The following CDH18 variants were observed in gnomAD, a reference collection of about 807,000 sequenced individuals.
CDH18 encodes cadherin-18.
Under a neutral mutation model 67.9 loss-of-function variants are expected in CDH18, and 31 were observed. The ratio of observed to expected loss-of-function variants is 0.46; its 90% CI spans 0.34 to 0.62. The LOEUF (loss-of-function observed/expected upper bound fraction) is 0.62, where lower values mean the gene tolerates loss of function less well. Ranked by LOEUF, CDH18 falls within the 20% of genes least tolerant of loss-of-function variation. The pLI, the probability that CDH18 is intolerant of heterozygous loss-of-function variation, is 0.01. For missense variants in CDH18, 890 were observed against 975.5 expected, an observed-to-expected ratio of 0.91 and a Z score of 1.17; for synonymous variants, 362 against 347.2, an observed-to-expected ratio of 1.04 and a Z score of -0.48.
At chr5:20,453,172 T>G (rs1443366046) in intron 1 of CDH18, among the ~76,000 whole-genome samples, 2 of 152,184 alleles carry the variant, frequency 1.3e-5, no homozygotes, top group Non-Finnish European at 2.9e-5. Flanking sequence ...GGAAGGCTGA[T>G]GTGGTAGAGA....
intron 2 of CDH18, among the ~76,000 whole-genome samples, chr5:20,245,577 A>C (rs540264403): frequency 1.3e-5 from 2 of 152,222 alleles, no homozygotes; most frequent in South Asian, 4.1e-4. Flanking sequence ...TTTTGAGAAC[A>C]ATCAAAGAGA....
intron 1 of CDH18, among the ~76,000 whole-genome samples, chr5:20,275,766 C>A (rs75806964): frequency 1.3e-5 from 2 of 152,186 alleles, no homozygotes; most frequent in Non-Finnish European, 2.9e-5. Flanking sequence ...CTGGTTTTAA[C>A]TTCTTATCAC....
chr5:20,126,006 A>T (rs1003522895), intron 2 of CDH18, among the ~76,000 whole-genome samples: 1 of 152,236 alleles, frequency 6.6e-6, no homozygotes, highest in African/African-American at 2.4e-5. Flanking sequence ...AAATAGCCAA[A>T]GCAATCTTGA....
intron 8 of CDH18, among the ~76,000 whole-genome samples, chr5:19,568,674 T>C (rs747780013): frequency 3.3e-5 from 5 of 152,102 alleles, no homozygotes; most frequent in Admixed American, 6.6e-5. Context: ...TATGTGAAAA[T>C]ATAGGGAGAA....
chr5:19,777,055 G>A (rs551706590), intron 3 of CDH18, among the ~76,000 whole-genome samples: 7 of 152,264 alleles, frequency 4.6e-5, no homozygotes, highest in African/African-American at 1.7e-4. Context: ...CGAGGTGGAT[G>A]GATCAGTTGA....
At chr5:20,286,921 A>T (rs1746737485) in intron 1 of CDH18, among the ~76,000 whole-genome samples, 1 of 151,802 alleles carries the variant, frequency 6.6e-6, no homozygotes, top group African/African-American at 2.4e-5. Flanking sequence ...TTCAACCTGC[A>T]TATTTAATTA....
rs1391185524 is a variant in CDH18 at position 20,304,883 on chromosome 5, A to T, written c.-579-49378T>A. 15 of 1,612,044 alleles carry T rather than the reference A, an allele frequency of 9.3e-6. No homozygotes were observed. In the East Asian group the frequency reaches 2.9e-4, roughly 31 times the overall value. ...TCAATGTTTGCTAAATATTTCTCAT[A>T]GTCTTTAAAGATAGGTGTCAGATCA... On this transcript the variant is annotated intron_variant, in intron 1 of 14. Coordinates refer to the CDH18 transcript ENST00000507958.
chr5:19,939,279 C>G (rs1794593344), intron 2 of CDH18, among the ~76,000 whole-genome samples: 1 of 151,242 alleles, frequency 6.6e-6, no homozygotes, highest in Admixed American at 6.6e-5. Context: ...TAGCAGTAGT[C>G]TATAGCAAAT....
chr5:20,118,509 A>G (rs1342096719), intron 2 of CDH18, among the ~76,000 whole-genome samples: 1 of 152,158 alleles, frequency 6.6e-6, no homozygotes, highest in East Asian at 1.9e-4. Flanking sequence ...AGTAACCTAA[A>G]CTAACCCTAT....
intron 1 of CDH18, among the ~76,000 whole-genome samples, chr5:20,461,140 G>GC: frequency 6.6e-6 from 1 of 152,144 alleles, no homozygotes; most frequent in East Asian, 1.9e-4. Flanking sequence ...GTGTCTGACA[G>GC]CCACACGCTT....
chr5:19,609,336 A>T (rs1449338138), intron 6 of CDH18, among the ~76,000 whole-genome samples: 1 of 151,908 alleles, frequency 6.6e-6, no homozygotes, highest in Non-Finnish European at 1.5e-5. Context: ...TGTAGCCCAG[A>T]GGTAGGCATC....
At chr5:20,083,175 A>T (rs2150546670) in intron 2 of CDH18, among the ~76,000 whole-genome samples, 1 of 152,310 alleles carries the variant, frequency 6.6e-6, no homozygotes, top group South Asian at 2.1e-4. Flanking sequence ...GGGCACTTAG[A>T]GATAGCTTCA....
chr5:19,755,464 C>CATATATATATATAT (rs55768284), intron 3 of CDH18, among the ~76,000 whole-genome samples: 1 of 81,586 alleles, frequency 1.2e-5, no homozygotes, highest in Non-Finnish European at 2.3e-5. Flanking sequence ...TATATACACA[C>CATATATATATATAT]ACACACACAC....
intron 1 of CDH18, among the ~76,000 whole-genome samples, chr5:20,282,865 T>A (rs979007014): frequency 2.0e-5 from 3 of 152,032 alleles, no homozygotes; most frequent in African/African-American, 7.2e-5. Flanking sequence ...TGACTTCAAA[T>A]TATACCACAA....
chr5:19,720,217 C>T (rs2150573585), intron 5 of CDH18, among the ~76,000 whole-genome samples: 1 of 152,064 alleles, frequency 6.6e-6, no homozygotes, highest in East Asian at 1.9e-4. Context: ...GAACAAGGTT[C>T]CCTGAAAAAT....
Position 19,520,798 on chromosome 5 carries a change from G to A in CDH18, c.1391-20C>T. On this transcript the variant is annotated intron_variant, in intron 9 of 12. Transcript: ENST00000382275. ...GATTATCTGCAAAATACACAGGAAT[G>A]TATTTAGTATTTCCATGCACACTTT... is the stretch of plus-strand genomic sequence containing the variant. The A allele has an allele frequency of 6.2e-7, 1 of 1,611,340 alleles. No homozygotes were observed. Among genetic ancestry groups the A allele is most frequent in the Non-Finnish European group, 8.5e-7 (1 of 1,178,486 alleles).
At chr5:20,372,575 A>G (rs551110147) in intron 1 of CDH18, among the ~76,000 whole-genome samples, 3 of 152,332 alleles carry the variant, frequency 2.0e-5, no homozygotes, top group African/African-American at 7.2e-5. Flanking sequence ...GGAAAACAGC[A>G]AGAATTTTAA....
At chr5:20,042,461 A>G (rs1740505168) in intron 2 of CDH18, among the ~76,000 whole-genome samples, 2 of 152,216 alleles carry the variant, frequency 1.3e-5, no homozygotes, top group African/African-American at 4.8e-5. Flanking sequence ...CAAATCATAT[A>G]AAATACATTT....
chr5:20,223,471 A>C lies in CDH18; in HGVS notation c.-518+31973T>G, dbSNP rs550268211. 1.1e-4 allele frequency among the ~76,000 whole-genome samples: 16 copies of C among 152,228 alleles called. No individual in the cohort carries two copies. The East Asian group carries it at 3.1e-3, about 29-fold the overall frequency. On this transcript the variant is annotated intron_variant, in intron 2 of 14. Transcript: ENST00000507958. ...TGAGACTTTGGACTGTGGACTTTTA[A>C]GTTAATGCTGAAATGAGTTAAGACT...
Sources: gnomAD v4.1 joint callset for allele counts (sites outside exome capture counted in the v4.1 genomes callset) on GRCh38, gnomAD v4.1.1 for gene constraint, MANE v1.5 for transcripts, NCBI Gene and HGNC (gene_info 2026-07-23, HGNC 2026-07-21) for gene names.